SDK1: variants seen among roughly 807,000 people sequenced by gnomAD.
SDK1 encodes the protein sidekick cell adhesion molecule 1, also known as protein sidekick-1.
Under a neutral mutation model 245.5 loss-of-function variants are expected in SDK1, and 157 were observed. That is an observed-to-expected ratio of 0.64 (90% CI 0.56 to 0.73). The LOEUF is 0.73. Ranked by LOEUF, SDK1 falls within the 30% of genes least tolerant of loss-of-function variation. The pLI, the probability that SDK1 is intolerant of heterozygous loss-of-function variation, is 0.00. For synonymous variants in SDK1, 1,647 were observed against 1,278.5 expected, an observed-to-expected ratio of 1.29 and a Z score of -6.15; for missense variants, 3,583 against 3,002.3, an observed-to-expected ratio of 1.19 and a Z score of -4.52.
chr7:4,228,699 C>T (rs553062577), intron 40 of SDK1, among the ~76,000 whole-genome samples: 1 of 152,106 alleles, frequency 6.6e-6, no homozygotes. Context: ...GCCATCATAC[C>T]CAGCTAATTT....
At chr7:4,172,180 G>C (rs1781885676) in intron 32 of SDK1, among the ~76,000 whole-genome samples, 1 of 152,238 alleles carries the variant, frequency 6.6e-6, no homozygotes, top group African/African-American at 2.4e-5. Flanking sequence ...CATCACAGGG[G>C]TGTCAGAAAG....
chr7:3,999,494 G>T (rs1408794378), intron 14 of SDK1, among the ~76,000 whole-genome samples: 2 of 152,212 alleles, frequency 1.3e-5, no homozygotes, highest in African/African-American at 4.8e-5. Flanking sequence ...GCAGGTGTGG[G>T]CATGGAGGCC....
intron 5 of SDK1, among the ~76,000 whole-genome samples, chr7:3,861,882 C>T (rs1320780611): frequency 2.0e-5 from 3 of 152,268 alleles, no homozygotes; most frequent in South Asian, 2.1e-4. Context: ...GTTTATCTGT[C>T]CCAGTGTAAA....
chr7:3,539,868 A>G (rs935772572), intron 1 of SDK1, among the ~76,000 whole-genome samples: 1 of 152,216 alleles, frequency 6.6e-6, no homozygotes. Flanking sequence ...TGGCCTCAGT[A>G]TAGGGGCAGA....
chr7:4,089,504 C>A (rs1781654747), intron 22 of SDK1, among the ~76,000 whole-genome samples: 1 of 152,206 alleles, frequency 6.6e-6, no homozygotes, highest in Non-Finnish European at 1.5e-5. Flanking sequence ...GGTTTTAGTG[C>A]TCCAGGGAAG....
intron 14 of SDK1, among the ~76,000 whole-genome samples, chr7:3,993,449 A>T (rs1156415782): frequency 6.6e-6 from 1 of 152,114 alleles, no homozygotes; most frequent in Non-Finnish European, 1.5e-5. Flanking sequence ...CCTTCATTCT[A>T]CTCAGTCCTA....
At chr7:3,366,399 G>A (rs1053881987) in intron 1 of SDK1, among the ~76,000 whole-genome samples, 3 of 151,076 alleles carry the variant, frequency 2.0e-5, no homozygotes, top group African/African-American at 4.9e-5. Context: ...CTCCATTATA[G>A]CACATAGAGA....
At position 4,139,425 on chromosome 7, in the gene SDK1, GTA is replaced by G. The variant is rs1554358473; in HGVS notation, c.4229-6295_4229-6294del. Among the ~76,000 whole-genome samples, 25 of 128,174 alleles carry G rather than the reference GTA, an allele frequency of 2.0e-4. 1 individual carries two copies. The highest frequency in any genetic ancestry group is 1.4e-3 in the Admixed American group (18 of 12,870). The allele number at this position is 128,174 out of a possible 152,430, so 84.1% of individuals were successfully genotyped here. On this transcript the variant is annotated intron_variant, in intron 28 of 44. Transcript: ENST00000404826. ...TGTGTGTGTGTATATGTGTGTGTGTGTATGTATATATGTGTGTGTATATGTGT... is the reference window on the plus strand; with the variant it reads ...TGTGTGTGTGTATATGTGTGTGTGTGTGTATATATGTGTGTGTATATGTGT...
At position 4,129,897 on chromosome 7, in the gene SDK1, C is replaced by T. The variant is rs199659255; in HGVS notation, c.3940-11C>T. 21 of 1,613,112 alleles carry T rather than the reference C, an allele frequency of 1.3e-5. No homozygotes were observed. Among genetic ancestry groups the T allele is most frequent in the African/African-American group, 5.3e-5 (4 of 74,924 alleles). On this transcript the variant is annotated splice_polypyrimidine_tract_variant and intron_variant, in intron 26 of 44. Coordinates refer to ENST00000404826, the MANE Select transcript of SDK1 (RefSeq NM_152744.4). The stretch of plus-strand genomic sequence containing the variant: ...CCTCCTGATAACCCTCGTGCTGTGT[C>T]GATACCACAGATCCTGTTCCGGGCC...
intron 5 of SDK1, among the ~76,000 whole-genome samples, chr7:3,849,259 C>T (rs758082400): frequency 6.6e-6 from 1 of 152,188 alleles, no homozygotes; most frequent in Non-Finnish European, 1.5e-5. Flanking sequence ...CCCGGAGATG[C>T]ACCCACTCCT....
intron 30 of SDK1, among the ~76,000 whole-genome samples, chr7:4,151,362 C>T (rs679630): frequency 0.14 from 20,774 of 152,190 alleles, 1,545 homozygotes; most frequent in Middle Eastern, 0.17. Context: ...TGGAATGGTC[C>T]CTGCGCACGG....
chr7:3,323,935 T>G (rs1583683978), intron 1 of SDK1, among the ~76,000 whole-genome samples: 1 of 152,164 alleles, frequency 6.6e-6, no homozygotes, highest in African/African-American at 2.4e-5. Context: ...GTCTTTTGAT[T>G]GCAGGGTTTC....
At chr7:3,608,689 G>A (rs183543204) in intron 1 of SDK1, among the ~76,000 whole-genome samples, 9 of 152,296 alleles carry the variant, frequency 5.9e-5, no homozygotes, top group African/African-American at 1.7e-4. Flanking sequence ...AGCGAACCAG[G>A]AAAGACATGT....
chr7:3,556,431 G>A (rs533993069), intron 1 of SDK1, among the ~76,000 whole-genome samples: 81 of 152,170 alleles, frequency 5.3e-4, no homozygotes, highest in Admixed American at 1.0e-3. Flanking sequence ...CAGCAAGTAG[G>A]GATGGTTAAT....
intron 4 of SDK1, among the ~76,000 whole-genome samples, chr7:3,682,075 A>G (rs1381344737): frequency 6.6e-6 from 1 of 152,216 alleles, no homozygotes; most frequent in African/African-American, 2.4e-5. Context: ...AGTTGGTAGA[A>G]TTTTGAAGTA....
intron 1 of SDK1, among the ~76,000 whole-genome samples, chr7:3,594,118 G>A (rs1780977354): frequency 6.6e-6 from 1 of 152,042 alleles, no homozygotes; most frequent in Non-Finnish European, 1.5e-5. Context: ...CTGCCTCTCT[G>A]CCCTGCTTCC....
At chr7:3,582,579 T>G (rs973731963) in intron 1 of SDK1, among the ~76,000 whole-genome samples, 1 of 150,358 alleles carries the variant, frequency 6.7e-6, no homozygotes, top group Non-Finnish European at 1.5e-5. Flanking sequence ...AACTATTGGG[T>G]ACTAGGCTTT....
At chr7:3,712,933 C>T (rs1258836829) in intron 4 of SDK1, among the ~76,000 whole-genome samples, 2 of 152,188 alleles carry the variant, frequency 1.3e-5, no homozygotes, top group East Asian at 1.9e-4. Context: ...GTGCACTGTT[C>T]CCTGAAAGCT....
intron 29 of SDK1, among the ~76,000 whole-genome samples, 182 bp from the exon 30 acceptor site, chr7:4,149,077 AAAC>A (rs1426050455): frequency 9.2e-5 from 14 of 152,002 alleles, no homozygotes; most frequent in Non-Finnish European, 5.9e-5. Flanking sequence ...AAACAAAACA[AAAC>A]AAAAAAACAG....
Sources: gnomAD v4.1 joint callset for allele counts (sites outside exome capture counted in the v4.1 genomes callset) on GRCh38, gnomAD v4.1.1 for gene constraint, MANE v1.5 for transcripts, NCBI Gene and HGNC (gene_info 2026-07-23, HGNC 2026-07-21) for gene names.